GNB4: variants seen among roughly 807,000 people sequenced by gnomAD.
GNB4 encodes guanine nucleotide-binding protein subunit beta-4.
GNB4 carries 28 observed loss-of-function variants against 45.2 expected under a neutral mutation model. The observed-to-expected ratio is 0.62, with a 90% CI of 0.46 to 0.85. The LOEUF (loss-of-function observed/expected upper bound fraction) is 0.85. Ranked by LOEUF, GNB4 falls within the 40% of genes least tolerant of loss-of-function variation. The pLI is 0.00. For missense variants in GNB4, 321 were observed against 425.4 expected (o/e 0.75, Z 2.16); for synonymous variants, 132 against 143.7 (o/e 0.92, Z 0.58).
the GNB4 span, among the ~76,000 whole-genome samples, chr3:179,517,084 C>A: frequency 6.6e-6 from 1 of 152,158 alleles, no homozygotes; most frequent in Non-Finnish European, 1.5e-5. Context: ...GGCCTCAGAG[C>A]CCAAGCTAAG....
intron 5 of GNB4, among the ~76,000 whole-genome samples, chr3:179,415,700 TTAC>T (rs1714779437): frequency 6.6e-6 from 1 of 152,204 alleles, no homozygotes; most frequent in Non-Finnish European, 1.5e-5. Context: ...CGTGGCAGGA[TTAC>T]TACTATGCTC....
the GNB4 span, among the ~76,000 whole-genome samples, chr3:179,510,221 T>A: frequency 2.0e-5 from 3 of 152,120 alleles, no homozygotes; most frequent in Admixed American, 2.0e-4. Flanking sequence ...ATCCCCAGTT[T>A]ACCATGGACC....
chr3:179,419,950 C>G (rs972036196), intron 3 of GNB4, among the ~76,000 whole-genome samples: 4 of 151,836 alleles, frequency 2.6e-5, no homozygotes, highest in African/African-American at 7.2e-5. Flanking sequence ...GAAGCCTTCC[C>G]AAGATTTTTT....
chr3:179,410,025 C>A (rs1182948914), intron 8 of GNB4, among the ~76,000 whole-genome samples: 1 of 152,118 alleles, frequency 6.6e-6, no homozygotes. Context: ...CTCACGAGAT[C>A]TGATGGTTTA....
the GNB4 span, among the ~76,000 whole-genome samples, chr3:179,508,932 G>GCATATATATA: frequency 2.0e-5 from 2 of 102,140 alleles, no homozygotes; most frequent in Non-Finnish European, 3.6e-5. Flanking sequence ...TTCAGCATGT[G>GCATATATATA]TATATATATA....
chr3:179,413,986 C>G (rs974262343), intron 6 of GNB4, among the ~76,000 whole-genome samples: 1 of 152,138 alleles, frequency 6.6e-6, no homozygotes, highest in African/African-American at 2.4e-5. Context: ...TAGGCATTAA[C>G]TATGTTAATG....
intron 1 of GNB4, among the ~76,000 whole-genome samples, chr3:179,441,411 A>G (rs1477875134): frequency 2.0e-5 from 3 of 152,134 alleles, no homozygotes; most frequent in African/African-American, 7.2e-5. Context: ...TTGTGTATCT[A>G]AACATATCTA....
In GNB4 at chr3:179,400,613, C is replaced by G. The variant is rs140296923; in HGVS notation, c.*600G>C. 6.6e-6 allele frequency: 1 copy of G among 152,266 alleles called. No homozygotes were observed. The highest frequency in any genetic ancestry group is 2.4e-5 in the African/African-American group (1 of 41,548). The allele number at this position is 152,266 out of a possible 1,614,324, so 9.4% of individuals were successfully genotyped here. A position where few individuals can be genotyped will look rare whatever the true frequency, so the allele number is the denominator to read the frequency against. On this transcript the variant is annotated 3_prime_UTR_variant, in exon 10 of 10. Transcript: ENST00000232564. ...ATCTGTCCCCTCAAAGGACTGAAAG[C>G]AAGCACTTTGATTAATAGTATATGG...
the GNB4 span, among the ~76,000 whole-genome samples, chr3:179,474,712 C>CTGTAACAGAA: frequency 1.5e-5 from 2 of 130,060 alleles, no homozygotes; most frequent in African/African-American, 2.9e-5. Context: ...TTTTGTGTTG[C>CTGTAACAGAA]TGTAACAGAA....
At chr3:179,524,525 A>G in the GNB4 span, among the ~76,000 whole-genome samples, 6 of 151,784 alleles carry the variant, frequency 4.0e-5, no homozygotes, top group African/African-American at 1.5e-4. Context: ...ACTCTTCTCT[A>G]TTATTGTACA....
the GNB4 span, among the ~76,000 whole-genome samples, chr3:179,513,661 T>G: frequency 1.3e-5 from 2 of 152,194 alleles, no homozygotes; most frequent in African/African-American, 4.8e-5. Flanking sequence ...ACATGGACAA[T>G]GCATTTGAAG....
At position 179,405,229 on chromosome 3, in the gene GNB4, T is replaced by TA; in HGVS notation, c.876dup (p.Asn293Ter). The TA allele has an allele frequency of 6.2e-7, 1 of 1,614,146 alleles. No homozygotes were observed. Among genetic ancestry groups the TA allele is most frequent in the Non-Finnish European group, 8.5e-7 (1 of 1,179,990 alleles). ...TTTAGCGTGTCCCATACATTACAAT[T>TA]AAAGTCATCGTAACCAGCCAACAAG... is the stretch of plus-strand genomic sequence containing the variant. On this transcript the variant is annotated frameshift_variant, in exon 9 of 10. Coordinates refer to ENST00000232564, the MANE Select transcript of GNB4 (RefSeq NM_021629.4). LOFTEE classifies it high-confidence loss of function.
At chr3:179,402,957 G>C (rs1043700851) in intron 9 of GNB4, among the ~76,000 whole-genome samples, 15 of 152,206 alleles carry the variant, frequency 9.9e-5, no homozygotes, top group African/African-American at 3.6e-4. Context: ...AAGAAAACAG[G>C]CACAGATGCG....
At position 179,426,208 on chromosome 3, in the gene GNB4, A is replaced by G. The variant is rs890838231; in HGVS notation, c.-8T>C. Reference sequence around the variant, plus strand: ...CTGTTCCAGTTCGCTCATTTTTTCAATTTGTTTACCTCAGGAGCTAATGAG... The same window carrying G: ...CTGTTCCAGTTCGCTCATTTTTTCAGTTTGTTTACCTCAGGAGCTAATGAG... On this transcript the variant is annotated 5_prime_UTR_variant, in exon 2 of 10. Coordinates refer to ENST00000232564, the MANE Select transcript of GNB4 (RefSeq NM_021629.4). 9 of 1,593,034 alleles carry G rather than the reference A, an allele frequency of 5.6e-6. No homozygotes were observed. Among genetic ancestry groups the G allele is most frequent in the Non-Finnish European group, 7.7e-6 (9 of 1,174,306 alleles).
chr3:179,520,787 C>T, the GNB4 span, among the ~76,000 whole-genome samples: 1 of 152,070 alleles, frequency 6.6e-6, no homozygotes, highest in African/African-American at 2.4e-5. Context: ...ACATTCACTC[C>T]ATTTCCCCAA....
intron 1 of GNB4, among the ~76,000 whole-genome samples, chr3:179,445,193 A>C (rs1715689551): frequency 6.6e-6 from 1 of 152,238 alleles, no homozygotes; most frequent in Non-Finnish European, 1.5e-5. Context: ...AGTAGATTTC[A>C]TTAATTTCTC....
the GNB4 span, among the ~76,000 whole-genome samples, chr3:179,513,846 T>C: frequency 3.3e-5 from 5 of 152,222 alleles, no homozygotes; most frequent in South Asian, 8.3e-4. Context: ...TTCAGAAATA[T>C]AGAAAATATA....
Position 179,420,769 on chromosome 3 carries a change from CAG to C in GNB4, c.96+118_96+119del, listed in dbSNP as rs201427552. On this transcript the variant is annotated intron_variant, in intron 3 of 9. Transcript: ENST00000232564. Reference sequence around the variant, plus strand: ...TGACAAATTACGAAGTGCTTTTACACAGAGATTTCATTTAACTTTTTTCAATT... The same window carrying C: ...TGACAAATTACGAAGTGCTTTTACACAGATTTCATTTAACTTTTTTCAATT... The C allele has an allele frequency of 6.7e-3, 4,708 of 703,792 alleles. 160 individuals are homozygous for C. In the African/African-American group the frequency reaches 0.075, roughly 11 times the overall value. The allele number at this position is 703,792 out of a possible 1,614,324, so 43.6% of individuals were successfully genotyped here.
chr3:179,396,273 A>G lies in GNB4; in HGVS notation c.*4940T>C, dbSNP rs1714111030. ...ATCTAACACGTTTACCCTTCCCATA[A>G]TTAGACTACTACTGACATTCATGTT... On this transcript the variant is annotated 3_prime_UTR_variant, in exon 10 of 10. Transcript: ENST00000232564. 1 of 152,192 alleles carries G rather than the reference A, an allele frequency of 6.6e-6. No individual in the cohort carries two copies. The highest frequency in any genetic ancestry group is 1.5e-5 in the Non-Finnish European group (1 of 68,028). The allele number at this position is 152,192 out of a possible 1,614,324, so 9.4% of individuals were successfully genotyped here. A position where few individuals can be genotyped will look rare whatever the true frequency, so the allele number is the denominator to read the frequency against.
Sources: gnomAD v4.1 joint callset for allele counts (sites outside exome capture counted in the v4.1 genomes callset) on GRCh38, gnomAD v4.1.1 for gene constraint, MANE v1.5 for transcripts, NCBI Gene and HGNC (gene_info 2026-07-23, HGNC 2026-07-21) for gene names.